The following PLCB1 variants were observed in gnomAD, a reference collection of about 807,000 sequenced individuals.
PLCB1 encodes 1-phosphatidylinositol 4,5-bisphosphate phosphodiesterase beta-1.
Under a neutral mutation model 161.8 loss-of-function variants are expected in PLCB1, and 46 were observed. The observed-to-expected ratio is 0.28, with a 90% CI of 0.22 to 0.36. PLCB1 has a LOEUF of 0.36. Among genes scored for constraint, PLCB1 ranks in the 10% least tolerant of loss-of-function variants. PLCB1 has a pLI of 1.00. For missense variants in PLCB1, 1,016 were observed against 1,472.5 expected (o/e 0.69, Z 5.07); for synonymous variants, 517 against 503.7 (o/e 1.03, Z -0.35).
At chr20:8,750,933 C>CTTTTTTTTTTT (rs769913295) in intron 23 of PLCB1, 14 of 413,612 alleles carry the variant, frequency 3.4e-5, no homozygotes, top group Admixed American at 1.4e-4. Flanking sequence ...GAACTGCACT[C>CTTTTTTTTTTT]TTTTTTTTTT....
intron 2 of PLCB1, among the ~76,000 whole-genome samples, chr20:8,316,511 T>C (rs796351250): frequency 3.3e-5 from 5 of 152,270 alleles, no homozygotes; most frequent in African/African-American, 1.2e-4. Flanking sequence ...GTTCTGTTGG[T>C]CAGTCTCAAC....
intron 2 of PLCB1, among the ~76,000 whole-genome samples, chr20:8,354,671 G>A (rs1482734602): frequency 6.6e-6 from 1 of 152,184 alleles, no homozygotes; most frequent in African/African-American, 2.4e-5. Context: ...GAGCGGAGGA[G>A]AGTTGGGGAA....
intron 3 of PLCB1, among the ~76,000 whole-genome samples, chr20:8,468,871 A>T (rs1015121154): frequency 6.6e-5 from 10 of 152,164 alleles, no homozygotes; most frequent in Admixed American, 3.9e-4. Flanking sequence ...ACCTGAAGTA[A>T]CTTACCCAAA....
At chr20:8,773,616 T>C (rs1982799454) in intron 26 of PLCB1, among the ~76,000 whole-genome samples, 1 of 152,158 alleles carries the variant, frequency 6.6e-6, no homozygotes, top group African/African-American at 2.4e-5. Flanking sequence ...TGGGTAAAGA[T>C]ATCAGTGAAG....
At chr20:8,668,981 G>A (rs1568553854) in intron 9 of PLCB1, among the ~76,000 whole-genome samples, 1 of 152,168 alleles carries the variant, frequency 6.6e-6, no homozygotes, top group Non-Finnish European at 1.5e-5. Context: ...CAGTTGCGTG[G>A]ACACTTTAAC....
At chr20:8,739,833 A>G (rs1600289201) in intron 21 of PLCB1, among the ~76,000 whole-genome samples, 1 of 152,296 alleles carries the variant, frequency 6.6e-6, no homozygotes, top group East Asian at 1.9e-4. Flanking sequence ...AATTACTAAT[A>G]TACTGTTGAC....
chr20:8,811,902 G>A (rs1020583123), intron 31 of PLCB1, among the ~76,000 whole-genome samples: 7 of 152,156 alleles, frequency 4.6e-5, no homozygotes, highest in Non-Finnish European at 8.8e-5. Context: ...CCCATTAAGG[G>A]GTAATGTACT....
intron 2 of PLCB1, among the ~76,000 whole-genome samples, chr20:8,177,798 G>A (rs1410116842): frequency 6.6e-6 from 1 of 152,068 alleles, no homozygotes; most frequent in Non-Finnish European, 1.5e-5. Context: ...CAGGTAATAA[G>A]CATAGTACCC....
At chr20:8,638,069 T>C (rs1988820980) in intron 4 of PLCB1, among the ~76,000 whole-genome samples, 1 of 152,162 alleles carries the variant, frequency 6.6e-6, no homozygotes, top group Non-Finnish European at 1.5e-5. Flanking sequence ...CTAATTTTTG[T>C]ATTTTTAGTA....
At chr20:8,555,468 C>T (rs1022389962) in intron 3 of PLCB1, among the ~76,000 whole-genome samples, 1 of 152,058 alleles carries the variant, frequency 6.6e-6, no homozygotes, top group East Asian at 1.9e-4. Context: ...TGAAATGCTG[C>T]ACCTCACTCA....
intron 4 of PLCB1, among the ~76,000 whole-genome samples, chr20:8,632,233 G>A (rs974920083): frequency 7.9e-5 from 12 of 151,876 alleles, no homozygotes; most frequent in African/African-American, 2.9e-4. Flanking sequence ...GAGCACTAGA[G>A]AAGATGTCTA....
chr20:8,195,638 A>T (rs1355057262), intron 2 of PLCB1, among the ~76,000 whole-genome samples: 1 of 152,082 alleles, frequency 6.6e-6, no homozygotes, highest in Non-Finnish European at 1.5e-5. Context: ...CAACTGATGG[A>T]TTTTTTATTC....
chr20:8,547,044 T>C (rs1478918436), intron 3 of PLCB1, among the ~76,000 whole-genome samples: 1 of 152,190 alleles, frequency 6.6e-6, no homozygotes, highest in African/African-American at 2.4e-5. Context: ...GGCCCACTGA[T>C]AAAAACAAAT....
At chr20:8,642,672 C>T (rs1485540277) in intron 4 of PLCB1, among the ~76,000 whole-genome samples, 4 of 152,246 alleles carry the variant, frequency 2.6e-5, no homozygotes, top group Non-Finnish European at 2.9e-5. Flanking sequence ...TTATATGTCC[C>T]AGTAACTTTT....
chr20:8,564,987 G>A (rs1311944215), intron 3 of PLCB1, among the ~76,000 whole-genome samples: 1 of 152,140 alleles, frequency 6.6e-6, no homozygotes. Context: ...CCATTACTGG[G>A]TATATACGCA....
chr20:8,643,795 C>G (rs982958017), intron 4 of PLCB1, among the ~76,000 whole-genome samples: 56 of 146,162 alleles, frequency 3.8e-4, no homozygotes, highest in Non-Finnish European at 6.0e-4. Context: ...CTCTCCCTCT[C>G]CCCATGGTCT....
chr20:8,216,154 G>A (rs972651219), intron 2 of PLCB1, among the ~76,000 whole-genome samples: 1 of 152,052 alleles, frequency 6.6e-6, no homozygotes, highest in East Asian at 1.9e-4. Flanking sequence ...TTGAAGAACT[G>A]CCATATTTGG....
intron 31 of PLCB1, among the ~76,000 whole-genome samples, chr20:8,833,548 A>AGAG (rs558687518): frequency 6.0e-4 from 91 of 152,260 alleles, no homozygotes; most frequent in African/African-American, 2.1e-3. Context: ...CACAGAAAGA[A>AGAG]GAGGAGGAGG....
intron 2 of PLCB1, among the ~76,000 whole-genome samples, chr20:8,314,343 G>A (rs1019029541): frequency 1.3e-5 from 2 of 152,116 alleles, no homozygotes; most frequent in African/African-American, 2.4e-5. Context: ...TAAGCTCAGT[G>A]GAGAAATAGT....
Sources: allele counts gnomAD v4.1 joint callset (sites outside exome capture counted in the v4.1 genomes callset), GRCh38; gene constraint gnomAD v4.1.1; transcripts MANE v1.5; gene names NCBI Gene and HGNC (gene_info 2026-07-23, HGNC 2026-07-21).